Variants in ANKRD28 observed in about 807,000 individuals in gnomAD.
ANKRD28 encodes the protein ankyrin repeat domain 28.
ANKRD28 carries 44 observed loss-of-function variants against 126.5 expected under a neutral mutation model. That is an observed-to-expected ratio of 0.35 (90% CI 0.27 to 0.45). The LOEUF (loss-of-function observed/expected upper bound fraction) is 0.45, where lower values mean the gene tolerates loss of function less well. ANKRD28 is among the 20% of genes least tolerant of loss of function. The pLI, the probability that ANKRD28 is intolerant of heterozygous loss-of-function variation, is 1.00. For synonymous variants in ANKRD28, 442 were observed against 468.5 expected (o/e 0.94, Z 0.73); for missense variants, 1,110 against 1,316.6 (o/e 0.84, Z 2.43).
chr3:15,775,218 T>G (rs2059202681), intron 2 of ANKRD28, among the ~76,000 whole-genome samples: 1 of 152,180 alleles, frequency 6.6e-6, no homozygotes, highest in Non-Finnish European at 1.5e-5. Flanking sequence ...GCTGGCTATA[T>G]GCATGCTTAA....
chr3:15,745,645 T>TCAC (rs2057427147), intron 4 of ANKRD28, among the ~76,000 whole-genome samples: 1 of 152,212 alleles, frequency 6.6e-6, no homozygotes, highest in South Asian at 2.1e-4. Context: ...GGTAATGTGA[T>TCAC]GCCTCCAGAT....
intron 1 of ANKRD28, among the ~76,000 whole-genome samples, chr3:15,805,816 T>C (rs2060565151): frequency 6.6e-6 from 1 of 152,224 alleles, no homozygotes; most frequent in Admixed American, 6.5e-5. Flanking sequence ...TTTACCTTTA[T>C]AAGCAATAAT....
chr3:15,753,148 A>G (rs2057960379), intron 3 of ANKRD28, among the ~76,000 whole-genome samples: 1 of 152,228 alleles, frequency 6.6e-6, no homozygotes, highest in South Asian at 2.1e-4. Flanking sequence ...CAGTTAGGCT[A>G]TGGAAGAAGG....
chr3:15,807,703 AGGG>A (rs1302404046), intron 1 of ANKRD28, among the ~76,000 whole-genome samples: 2 of 152,214 alleles, frequency 1.3e-5, no homozygotes, highest in African/African-American at 4.8e-5. Context: ...CATTTCATAA[AGGG>A]TTGATAAAGC....
chr3:15,777,868 ACACACACACACACAC>A (rs2059361491), intron 2 of ANKRD28, among the ~76,000 whole-genome samples: 2 of 149,054 alleles, frequency 1.3e-5, no homozygotes, highest in Non-Finnish European at 3.0e-5. Context: ...ACACACACAC[ACACACACACACACAC>A]ACACACACAC....
chr3:15,686,021 C>G lies in ANKRD28; in HGVS notation c.2150G>C (p.Arg717Thr), dbSNP rs776376170. ...ANVDAKDKWGRTALHRGAVTG... is the reference protein window; with the variant it reads ...ANVDAKDKWGTTALHRGAVTG... ...GCTTACCCCTCTATGCAACGCTGTCCTTCCCCACTTATCTTTGGCATCTAC... is the reference window on the plus strand; with the variant it reads ...GCTTACCCCTCTATGCAACGCTGTCGTTCCCCACTTATCTTTGGCATCTAC... The change falls in exon 20 of 28, where the codon AGG becomes ACG. Residue 717 changes from arginine to threonine, a missense_variant. Arg to Thr is a moderately conservative substitution (Grantham distance 71, BLOSUM62 -1). Coordinates refer to ENST00000683139, the MANE Select transcript of ANKRD28 (RefSeq NM_001349278.2). 6.2e-7 allele frequency: 1 copy of G among 1,613,412 alleles called. No homozygotes were observed. The highest frequency in any genetic ancestry group is 8.5e-7 in the Non-Finnish European group (1 of 1,179,748).
At chr3:15,788,833 T>C (rs1428126687) in intron 2 of ANKRD28, among the ~76,000 whole-genome samples, 4 of 152,016 alleles carry the variant, frequency 2.6e-5, no homozygotes, top group Non-Finnish European at 5.9e-5. Flanking sequence ...CATTTAGAAT[T>C]TTTAGAGTGT....
chr3:15,777,083 G>A (rs1575637889), intron 2 of ANKRD28, among the ~76,000 whole-genome samples: 1 of 152,002 alleles, frequency 6.6e-6, no homozygotes, highest in African/African-American at 2.4e-5. Flanking sequence ...AGACCATCCT[G>A]GTTAACGTGG....
At chr3:15,740,331 A>T (rs183894750) in intron 4 of ANKRD28, among the ~76,000 whole-genome samples, 70 of 152,298 alleles carry the variant, frequency 4.6e-4, no homozygotes, top group Non-Finnish European at 8.1e-4. Flanking sequence ...GGCAAAACTT[A>T]AGGGTGTACA....
At chr3:15,709,323 CATT>C in intron 13 of ANKRD28, among the ~76,000 whole-genome samples, 1 of 152,108 alleles carries the variant, frequency 6.6e-6, no homozygotes, top group Non-Finnish European at 1.5e-5. Context: ...AGAACTGTAT[CATT>C]ATTTTCTAGG....
intron 4 of ANKRD28, among the ~76,000 whole-genome samples, chr3:15,742,778 G>C (rs2057179363): frequency 7.3e-6 from 1 of 137,424 alleles, no homozygotes; most frequent in South Asian, 2.5e-4. Flanking sequence ...CGCCCGGCCA[G>C]CCACCCGGTC....
chr3:15,814,413 T>G lies in ANKRD28; in HGVS notation c.28-19107A>C. On this transcript the variant is annotated intron_variant, in intron 1 of 27. Transcript: ENST00000399451. The surrounding 1 kb of genome is among the most constrained non-coding windows in gnomAD (Gnocchi z 4.7). ...GTACCTTAACAAAACATTGAATTAT[T>G]GGATAATATTCAAAAACTTACTTTG... 1 of 482,014 alleles carries G rather than the reference T, an allele frequency of 2.1e-6. No individual in the cohort carries two copies. Among genetic ancestry groups the G allele is most frequent in the Non-Finnish European group, 3.1e-6 (1 of 324,388 alleles). The allele number at this position is 482,014 out of a possible 1,614,324, so 29.9% of individuals were successfully genotyped here. A position where few individuals can be genotyped will look rare whatever the true frequency, so the allele number is the denominator to read the frequency against.
intron 1 of ANKRD28, among the ~76,000 whole-genome samples, chr3:15,836,257 T>A (rs533276314): frequency 6.6e-6 from 1 of 152,214 alleles, no homozygotes; most frequent in Non-Finnish European, 1.5e-5. Context: ...ACATAATATA[T>A]ATGACAACAG....
intron 21 of ANKRD28, among the ~76,000 whole-genome samples, chr3:15,682,650 T>A: frequency 6.6e-6 from 1 of 152,206 alleles, no homozygotes; most frequent in Non-Finnish European, 1.5e-5. Context: ...TTGGCCATCA[T>A]TTCATTTTAA....
chr3:15,743,765 T>A (rs1432498719), intron 4 of ANKRD28, among the ~76,000 whole-genome samples: 1 of 152,210 alleles, frequency 6.6e-6, no homozygotes, highest in African/African-American at 2.4e-5. Flanking sequence ...GTGTGGAAAC[T>A]ATGTCACTGA....
rs184634404 is a variant in ANKRD28 at position 15,742,434 on chromosome 3, G to A, written c.352-5201C>T. Among the ~76,000 whole-genome samples, 1,395 of 148,200 alleles carry A rather than the reference G, an allele frequency of 9.4e-3. 23 individuals are homozygous for A. The highest frequency in any genetic ancestry group is 0.032 in the African/African-American group (1,258 of 39,692). On this transcript the variant is annotated intron_variant, in intron 4 of 27. Transcript: ENST00000683139. ...AGCGCCTCTACCTGGCCGCGACCCC[G>A]TCTGGGAGGTGAGGAGCGTCTCTGC...
At chr3:15,784,448 A>G (rs372660949) in intron 2 of ANKRD28, among the ~76,000 whole-genome samples, 1 of 152,028 alleles carries the variant, frequency 6.6e-6, no homozygotes, top group East Asian at 1.9e-4. Context: ...GTTATTTGAC[A>G]GCTAGATGTC....
intron 27 of ANKRD28, among the ~76,000 whole-genome samples, 152 bp from the exon 28 acceptor site, chr3:15,670,708 T>G (rs1010890008): frequency 1.3e-5 from 2 of 152,376 alleles, no homozygotes; most frequent in Admixed American, 1.3e-4. Context: ...CGCAAGTTTC[T>G]AATAAGTAGA....
chr3:15,760,910 G>C (rs1016393311), intron 3 of ANKRD28, among the ~76,000 whole-genome samples: 1 of 152,004 alleles, frequency 6.6e-6, no homozygotes, highest in African/African-American at 2.4e-5. Flanking sequence ...AAAGGGCCAA[G>C]GCAACACAAA....
Sources: gnomAD v4.1 joint callset for allele counts (sites outside exome capture counted in the v4.1 genomes callset) on GRCh38, gnomAD v4.1.1 for gene constraint, Gnocchi (gnomAD v3.1) non-coding constraint, MANE v1.5 for transcripts, NCBI Gene and HGNC (gene_info 2026-07-23, HGNC 2026-07-21) for gene names.